The following ULK4 variants were observed in gnomAD, a reference collection of about 807,000 sequenced individuals.
ULK4 encodes the protein inactive serine/threonine-protein kinase ULK4.
Under a neutral mutation model 160.6 loss-of-function variants are expected in ULK4, and 133 were observed. The ratio of observed to expected loss-of-function variants is 0.83; its 90% CI spans 0.72 to 0.96. The LOEUF is 0.96. Among genes scored for constraint, ULK4 ranks in the 40% least tolerant of loss-of-function variants. The pLI, the probability that ULK4 is intolerant of heterozygous loss-of-function variation, is 0.00. For synonymous variants in ULK4, 534 were observed against 539.8 expected (o/e 0.99, Z 0.15); for missense variants, 1,580 against 1,499.5 (o/e 1.05, Z -0.89).
intron 17 of ULK4, among the ~76,000 whole-genome samples, chr3:41,849,818 T>C (rs931201989): frequency 6.6e-6 from 1 of 152,200 alleles, no homozygotes; most frequent in Non-Finnish European, 1.5e-5. Flanking sequence ...TTTTAAAGAA[T>C]TTTTATTATT....
chr3:41,952,801 G>A (rs919406569), intron 2 of ULK4, among the ~76,000 whole-genome samples: 3 of 152,102 alleles, frequency 2.0e-5, no homozygotes, highest in African/African-American at 4.8e-5. Context: ...GTTAAAACAC[G>A]GAAGCAACTT....
At chr3:41,252,658 G>A (rs934774166) in intron 35 of ULK4, among the ~76,000 whole-genome samples, 14 of 151,330 alleles carry the variant, frequency 9.3e-5, no homozygotes, top group African/African-American at 2.9e-4. Flanking sequence ...AGCACCTCAG[G>A]GACCTATGAG....
chr3:41,740,721 G>T (rs569694827), intron 22 of ULK4, among the ~76,000 whole-genome samples: 1 of 152,072 alleles, frequency 6.6e-6, no homozygotes, highest in South Asian at 2.1e-4. Context: ...CCGATATGAG[G>T]CTTCCATTCT....
chr3:41,513,845 TAC>T (rs1489019868), intron 32 of ULK4, among the ~76,000 whole-genome samples: 1 of 152,138 alleles, frequency 6.6e-6, no homozygotes, highest in Non-Finnish European at 1.5e-5. Flanking sequence ...GGGATAAGAC[TAC>T]ACACCGGGTA....
intron 20 of ULK4, among the ~76,000 whole-genome samples, chr3:41,797,183 C>T (rs1443090021): frequency 7.1e-6 from 1 of 141,332 alleles, no homozygotes. Flanking sequence ...AGCTCATGAT[C>T]AATGCAAAAA....
chr3:41,417,280 G>A (rs1409275363), intron 34 of ULK4, among the ~76,000 whole-genome samples: 1 of 152,154 alleles, frequency 6.6e-6, no homozygotes, highest in East Asian at 1.9e-4. Context: ...GGATGTTGGG[G>A]GTCTAGTAAG....
chr3:41,912,590 A>G (rs1698827881), intron 9 of ULK4, among the ~76,000 whole-genome samples: 1 of 152,226 alleles, frequency 6.6e-6, no homozygotes. Context: ...ATCATATTAT[A>G]TCAATGACTG....
intron 30 of ULK4, among the ~76,000 whole-genome samples, chr3:41,650,873 A>G (rs1441728482): frequency 6.6e-6 from 1 of 152,238 alleles, no homozygotes; most frequent in African/African-American, 2.4e-5. Context: ...AAAATTTATC[A>G]GCCCCCTGCA....
chr3:41,248,004 G>A (rs150576576), intron 36 of ULK4, among the ~76,000 whole-genome samples: 1 of 152,156 alleles, frequency 6.6e-6, no homozygotes, highest in Non-Finnish European at 1.5e-5. Flanking sequence ...GGAGTACTGA[G>A]TGTGGGTGCA....
chr3:41,340,015 G>A (rs943055753), intron 35 of ULK4, among the ~76,000 whole-genome samples: 10 of 152,302 alleles, frequency 6.6e-5, no homozygotes, highest in Middle Eastern at 3.4e-3. Flanking sequence ...AAAGGAAAAT[G>A]TCACCAGAAA....
intron 34 of ULK4, among the ~76,000 whole-genome samples, chr3:41,401,769 AG>A (rs2082184786): frequency 6.6e-6 from 1 of 152,158 alleles, no homozygotes; most frequent in African/African-American, 2.4e-5. Flanking sequence ...CAGTTATACA[AG>A]GGATACATTT....
At chr3:41,788,195 A>G (rs1290940036) in intron 21 of ULK4, among the ~76,000 whole-genome samples, 1 of 152,228 alleles carries the variant, frequency 6.6e-6, no homozygotes, top group Non-Finnish European at 1.5e-5. Flanking sequence ...TGGACTTCCA[A>G]AGATTAAGTT....
chr3:41,403,601 T>C (rs2082229394), intron 34 of ULK4, among the ~76,000 whole-genome samples: 1 of 152,204 alleles, frequency 6.6e-6, no homozygotes, highest in Non-Finnish European at 1.5e-5. Flanking sequence ...ATTTCTGGTT[T>C]GATCTTTATA....
At chr3:41,704,319 G>T (rs1404675331) in intron 27 of ULK4, among the ~76,000 whole-genome samples, 1 of 152,200 alleles carries the variant, frequency 6.6e-6, no homozygotes, top group Non-Finnish European at 1.5e-5. Context: ...GAGAGGGGCA[G>T]GGGTGGGAGA....
intron 27 of ULK4, among the ~76,000 whole-genome samples, chr3:41,697,919 C>T (rs1047885687): frequency 6.6e-6 from 1 of 152,202 alleles, no homozygotes. Context: ...AAAGCAACTC[C>T]AGTCCTGCAA....
intron 35 of ULK4, among the ~76,000 whole-genome samples, chr3:41,370,038 T>C (rs76306660): frequency 0.01 from 1,526 of 152,248 alleles, 15 homozygotes; most frequent in African/African-American, 0.027. Context: ...ATGTAATGAC[T>C]TCCAGGTTGC....
At chr3:41,916,235 C>T (rs949814849) in intron 7 of ULK4, among the ~76,000 whole-genome samples, 183 bp from the exon 8 acceptor site, 8 of 152,138 alleles carry the variant, frequency 5.3e-5, no homozygotes, top group South Asian at 4.2e-4. Context: ...TGGGGAGGTA[C>T]AGAACACAAA....
At chr3:41,521,943 T>C (rs2085943876) in intron 32 of ULK4, among the ~76,000 whole-genome samples, 1 of 152,154 alleles carries the variant, frequency 6.6e-6, no homozygotes, top group African/African-American at 2.4e-5. Context: ...ACTAATAACT[T>C]TTTTGGAAGA....
intron 32 of ULK4, among the ~76,000 whole-genome samples, chr3:41,492,854 G>T (rs1298989614): frequency 1.4e-5 from 2 of 140,624 alleles, no homozygotes; most frequent in Non-Finnish European, 3.1e-5. Context: ...ATGGTAAAGG[G>T]ATCAATTCAA....
Sources: gnomAD v4.1 joint callset for allele counts (sites outside exome capture counted in the v4.1 genomes callset) on GRCh38, gnomAD v4.1.1 for gene constraint, MANE v1.5 for transcripts, NCBI Gene and HGNC (gene_info 2026-07-23, HGNC 2026-07-21) for gene names.